TM9SF2: variants seen among roughly 807,000 people sequenced by gnomAD.
TM9SF2 encodes 76 kDa membrane protein.
A neutral mutation model predicts 84.9 loss-of-function variants in TM9SF2; 13 were observed. The observed-to-expected ratio is 0.15, with a 90% CI of 0.10 to 0.24. The LOEUF (loss-of-function observed/expected upper bound fraction) is 0.24. Among genes scored for constraint, TM9SF2 ranks in the 10% least tolerant of loss-of-function variants. The pLI, the probability that TM9SF2 is intolerant of heterozygous loss-of-function variation, is 1.00. For missense variants in TM9SF2, 562 were observed against 818.5 expected, an observed-to-expected ratio of 0.69 and a Z score of 3.82; for synonymous variants, 273 against 285.8, an observed-to-expected ratio of 0.96 and a Z score of 0.45.
In TM9SF2 at chr13:99,501,476, C is replaced by A; in HGVS notation, c.-131C>A. On this transcript the variant is annotated 5_prime_UTR_variant, in exon 1 of 17. Transcript: ENST00000376387. ...GCGGGACCCGGGGTGTCTCCTAGCGCAACCGGAACTAGCCTTCTGGGGGCC... is the reference window on the plus strand; with the variant it reads ...GCGGGACCCGGGGTGTCTCCTAGCGAAACCGGAACTAGCCTTCTGGGGGCC... The A allele has an allele frequency of 8.2e-7, 1 of 1,223,474 alleles. No individual in the cohort carries two copies. Among genetic ancestry groups the A allele is most frequent in the Non-Finnish European group, 1.1e-6 (1 of 889,414 alleles). 75.8% of individuals were successfully genotyped at this position (1,223,474 alleles called of 1,614,324 possible).
intron 13 of TM9SF2, 147 bp from the exon 14 acceptor site, chr13:99,554,157 A>C: frequency 2.1e-6 from 2 of 937,508 alleles, no homozygotes; most frequent in Non-Finnish European, 3.1e-6. Context: ...TTCCAAAGAC[A>C]AATTTCAGTT....
At chr13:99,543,787 T>G (rs2046270613) in intron 9 of TM9SF2, 76 bp from the exon 10 acceptor site, 1 of 1,528,334 alleles carries the variant, frequency 6.5e-7, no homozygotes, top group Admixed American at 2.1e-5. Context: ...AACAGCATAT[T>G]CAACAGTGAA....
At chr13:99,537,710 A>C in intron 5 of TM9SF2, 29 bp from the exon 6 acceptor site, 3 of 1,571,556 alleles carry the variant, frequency 1.9e-6, no homozygotes, top group Non-Finnish European at 2.6e-6. Flanking sequence ...TCAGTTTTCT[A>C]CCTTTAACTT....
chr13:99,511,320 A>G (rs1255715537), intron 1 of TM9SF2, among the ~76,000 whole-genome samples: 1 of 152,080 alleles, frequency 6.6e-6, no homozygotes. Flanking sequence ...ATGTCATGAC[A>G]TCTGTGGCAT....
chr13:99,552,231 A>G lies in TM9SF2; in HGVS notation c.1393A>G (p.Ile465Val), dbSNP rs1239384585. The change falls in exon 13 of 17, where the codon ATT becomes GTT. Residue 465 changes from isoleucine to valine, a missense_variant. Around this residue, in one of 4 missense-constraint regions of TM9SF2, gnomAD observed 219 missense variants for 338.1 expected, o/e 0.65. Transcript: ENST00000376387. ...ILWGEGSSAA[I>V]PFGTLVAILA... ...CTGGGGAGAAGGATCTTCAGCAGCT[A>G]TTCCTTTTGGGACACTGGTTGCCAT... is the stretch of plus-strand genomic sequence containing the variant. The G allele has an allele frequency of 3.1e-6, 5 of 1,614,010 alleles. No individual in the cohort carries two copies. Among genetic ancestry groups the G allele is most frequent in the African/African-American group, 2.7e-5 (2 of 74,936 alleles).
At chr13:99,508,622 G>A (rs563976439) in intron 1 of TM9SF2, among the ~76,000 whole-genome samples, 7 of 152,166 alleles carry the variant, frequency 4.6e-5, no homozygotes, top group South Asian at 2.1e-4. Flanking sequence ...AGCATGGCAC[G>A]GACATCGCTC....
At chr13:99,538,974 C>T (rs899417333) in intron 6 of TM9SF2, among the ~76,000 whole-genome samples, 1 of 149,080 alleles carries the variant, frequency 6.7e-6, no homozygotes, top group African/African-American at 2.5e-5. Context: ...GAGGCTGAGG[C>T]AGTAGGATTG....
chr13:99,548,775 C>A (rs537362941), intron 11 of TM9SF2, among the ~76,000 whole-genome samples: 1 of 152,314 alleles, frequency 6.6e-6, no homozygotes, highest in East Asian at 1.9e-4. Flanking sequence ...TGTTGCACAT[C>A]AGGCTTGACG....
chr13:99,524,105 A>G (rs1684575898), intron 3 of TM9SF2, among the ~76,000 whole-genome samples: 2 of 152,218 alleles, frequency 1.3e-5, no homozygotes, highest in South Asian at 4.1e-4. Flanking sequence ...CTCAGAGGCC[A>G]CTGTGAGGAT....
intron 12 of TM9SF2, among the ~76,000 whole-genome samples, chr13:99,550,047 G>A (rs9517766): frequency 0.52 from 79,093 of 151,918 alleles, 22,289 homozygotes; most frequent in East Asian, 0.7. Flanking sequence ...GTCAACTCAC[G>A]AAGGTGTCCG....
At position 99,556,799 on chromosome 13, in the gene TM9SF2, G is replaced by T. The variant is rs2046326647; in HGVS notation, c.1752+1152G>T. Reference sequence around the variant, plus strand: ...GACGGGGTTTCACCATGTTAGCCAGGATGGTCTCGATCTCCTGACCTCGTG... The same window carrying T: ...GACGGGGTTTCACCATGTTAGCCAGTATGGTCTCGATCTCCTGACCTCGTG... On this transcript the variant is annotated intron_variant, in intron 15 of 16. Transcript: ENST00000376387. 3.3e-5 allele frequency among the ~76,000 whole-genome samples: 5 copies of T among 152,066 alleles called. No individual in the cohort carries two copies. The South Asian group carries it at 1.0e-3, about 32-fold the overall frequency.
intron 3 of TM9SF2, among the ~76,000 whole-genome samples, chr13:99,528,035 A>G (rs1456639015): frequency 3.9e-5 from 6 of 152,218 alleles, no homozygotes; most frequent in African/African-American, 7.2e-5. Context: ...AGGAAAAATT[A>G]TAATCCCACG....
chr13:99,535,844 A>G (rs1051278357), intron 4 of TM9SF2, among the ~76,000 whole-genome samples: 1 of 152,188 alleles, frequency 6.6e-6, no homozygotes, highest in Non-Finnish European at 1.5e-5. Flanking sequence ...ACTGTAATGT[A>G]GTTATATGGT....
intron 4 of TM9SF2, among the ~76,000 whole-genome samples, chr13:99,536,249 T>A (rs2046233432): frequency 6.6e-6 from 1 of 152,102 alleles, no homozygotes; most frequent in South Asian, 2.1e-4. Context: ...TTTATAAAAC[T>A]CTTTCCTACC....
chr13:99,560,314 T>G (rs2046339334), intron 16 of TM9SF2, among the ~76,000 whole-genome samples: 4 of 152,210 alleles, frequency 2.6e-5, no homozygotes, highest in Admixed American at 2.6e-4. Context: ...ACTCATCTGT[T>G]AGCATTTCAG....
chr13:99,510,559 G>A (rs2046109357), intron 1 of TM9SF2, among the ~76,000 whole-genome samples: 1 of 152,178 alleles, frequency 6.6e-6, no homozygotes, highest in Non-Finnish European at 1.5e-5. Flanking sequence ...GCAGGAGCAG[G>A]CGTGTCATAT....
chr13:99,555,472 T>G, intron 14 of TM9SF2, 64 bp from the exon 15 acceptor site: 1 of 1,195,162 alleles, frequency 8.4e-7, no homozygotes, highest in Non-Finnish European at 1.2e-6. Context: ...AATGAAAAGA[T>G]TGTGTTATGT....
chr13:99,549,603 C>A (rs2046297420), intron 12 of TM9SF2, among the ~76,000 whole-genome samples: 1 of 152,116 alleles, frequency 6.6e-6, no homozygotes, highest in African/African-American at 2.4e-5. Flanking sequence ...CAAAGCATTG[C>A]CATTTTTTAG....
At chr13:99,561,079 A>C (rs1225414852) in intron 16 of TM9SF2, among the ~76,000 whole-genome samples, 1 of 152,262 alleles carries the variant, frequency 6.6e-6, no homozygotes, top group African/African-American at 2.4e-5. Flanking sequence ...CAGTTAAACC[A>C]GTAACTTATA....
Sources: allele counts gnomAD v4.1 joint callset (sites outside exome capture counted in the v4.1 genomes callset), GRCh38; gene constraint gnomAD v4.1.1; regional missense constraint gnomAD v4.1.1; transcripts MANE v1.5; gene names NCBI Gene and HGNC (gene_info 2026-07-23, HGNC 2026-07-21).